LSM12: variants seen among roughly 807,000 people sequenced by gnomAD.
LSM12 encodes protein LSM12.
For missense variants in LSM12, 108 were observed against 238.9 expected (o/e 0.45, Z 3.61); for synonymous variants, 74 against 87.3 (o/e 0.85, Z 0.85).
intron 2 of LSM12, among the ~76,000 whole-genome samples, chr17:44,053,210 A>C (rs2049669506): frequency 6.6e-6 from 1 of 152,204 alleles, no homozygotes; most frequent in Admixed American, 6.5e-5. Context: ...CTGTGGGCCA[A>C]ATTCAGCCAA....
chr17:44,051,305 C>G (rs571285131), intron 2 of LSM12, among the ~76,000 whole-genome samples: 1 of 149,754 alleles, frequency 6.7e-6, no homozygotes, highest in African/African-American at 2.5e-5. Context: ...GCAGGAGAAT[C>G]GCTTGAACCT....
chr17:44,037,181 A>T lies in LSM12; in HGVS notation c.495+231T>A, dbSNP rs544882993. On this transcript the variant is annotated intron_variant, in intron 4 of 4. Coordinates refer to ENST00000293406, the MANE Select transcript of LSM12 (RefSeq NM_001371445.1). The stretch of plus-strand genomic sequence containing the variant: ...ATGGAACAGTCTTCCTAATTCCAAA[A>T]AGCCAGCAAAGGACATAGGGTCACC... 3 of 398,010 alleles carry T rather than the reference A, an allele frequency of 7.5e-6. No individual in the cohort carries two copies. The Admixed American group carries it at 1.4e-4, about 18-fold the overall frequency. 24.7% of individuals were successfully genotyped at this position (398,010 alleles called of 1,614,324 possible). A position where few individuals can be genotyped will look rare whatever the true frequency, so the allele number is the denominator to read the frequency against.
Position 44,034,510 on chromosome 17 carries a change from G to C in LSM12, c.*1698C>G, listed in dbSNP as rs955283643. 3 of 152,290 alleles carry C rather than the reference G, an allele frequency of 2.0e-5. No homozygotes were observed. Among genetic ancestry groups the C allele is most frequent in the African/African-American group, 7.3e-5 (3 of 41,348 alleles). The allele number at this position is 152,290 out of a possible 1,614,324, so 9.4% of individuals were successfully genotyped here. On this transcript the variant is annotated 3_prime_UTR_variant, in exon 5 of 5. Coordinates refer to ENST00000293406, the MANE Select transcript of LSM12 (RefSeq NM_001371445.1). Reference sequence around the variant, plus strand: ...GCATTATATTTCTGGATGAGTCCTCGGGGGTGAAAAGAGAGGGTAAATAGT... The same window carrying C: ...GCATTATATTTCTGGATGAGTCCTCCGGGGTGAAAAGAGAGGGTAAATAGT...
At chr17:44,046,310 CTTTTG>C (rs1456091830) in intron 2 of LSM12, among the ~76,000 whole-genome samples, 1 of 152,050 alleles carries the variant, frequency 6.6e-6, no homozygotes, top group Non-Finnish European at 1.5e-5. Context: ...CATGTTTTTA[CTTTTG>C]TTAGGTAGAT....
chr17:44,036,303 G>A lies in LSM12; in HGVS notation c.496-3C>T, dbSNP rs1044429452. The A allele has an allele frequency of 3.1e-6, 5 of 1,614,050 alleles. No homozygotes were observed. In the African/African-American group the frequency reaches 5.3e-5, roughly 17 times the overall value. ...ACGTCTCTAAAATGTTTTTCAACCTGAAAAAGACCAGGCAACCCAGGTCAA... is the reference window on the plus strand; with the variant it reads ...ACGTCTCTAAAATGTTTTTCAACCTAAAAAAGACCAGGCAACCCAGGTCAA... On this transcript the variant is annotated splice_region_variant and splice_polypyrimidine_tract_variant and intron_variant, in intron 4 of 4. Coordinates refer to ENST00000293406, the MANE Select transcript of LSM12 (RefSeq NM_001371445.1).
intron 2 of LSM12, among the ~76,000 whole-genome samples, chr17:44,055,305 T>C (rs1293894702): frequency 1.3e-5 from 2 of 151,842 alleles, no homozygotes; most frequent in East Asian, 1.9e-4. Context: ...TAGCTAAACA[T>C]AGGCTGGCCA....
chr17:44,047,443 C>T (rs1156971567), intron 2 of LSM12, among the ~76,000 whole-genome samples: 5 of 152,072 alleles, frequency 3.3e-5, no homozygotes, highest in Non-Finnish European at 7.4e-5. Context: ...GACAGGGTTT[C>T]ACCACGTTGG....
At chr17:44,065,464 C>T (rs912195320) in intron 1 of LSM12, among the ~76,000 whole-genome samples, 18 of 148,914 alleles carry the variant, frequency 1.2e-4, no homozygotes, top group African/African-American at 4.2e-4. Context: ...AAAAAAGATG[C>T]CATAAAAAAT....
chr17:44,050,976 A>G (rs573661207), intron 2 of LSM12, among the ~76,000 whole-genome samples: 2 of 152,236 alleles, frequency 1.3e-5, no homozygotes, highest in African/African-American at 4.8e-5. Flanking sequence ...AAAATTTTTT[A>G]ACAAATTAGC....
rs2049412575 is a variant in LSM12 at position 44,036,130 on chromosome 17, C to T, written c.*78G>A. 2 of 1,414,604 alleles carry T rather than the reference C, an allele frequency of 1.4e-6. No individual in the cohort carries two copies. The highest frequency in any genetic ancestry group is 2.0e-6 in the Non-Finnish European group (2 of 1,021,570). The allele number at this position is 1,414,604 out of a possible 1,614,324, so 87.6% of individuals were successfully genotyped here. On this transcript the variant is annotated 3_prime_UTR_variant, in exon 5 of 5. Transcript: ENST00000293406. ...ACAGGACATATAGGATCCCTTCCCT[C>T]CCCCGGCCTGCCTCCGCTGAAGCCA...
At position 44,049,727 on chromosome 17, in the gene LSM12, G is replaced by A. The variant is rs963736305; in HGVS notation, c.259-9471C>T. Among the ~76,000 whole-genome samples the A allele has an allele frequency of 7.9e-5, 12 of 152,168 alleles. 1 individual carries two copies. Among genetic ancestry groups the A allele is most frequent in the Non-Finnish European group, 1.3e-4 (9 of 68,032 alleles). ...CAGCTGGGCCATCTTATTTCCACAT[G>A]CCCAGACCAGGAAGGCACAGGTGCC... On this transcript the variant is annotated intron_variant, in intron 2 of 4. Transcript: ENST00000293406.
intron 2 of LSM12, among the ~76,000 whole-genome samples, chr17:44,040,819 CA>C (rs1180250412): frequency 0.021 from 2,491 of 119,586 alleles, 58 homozygotes; most frequent in Admixed American, 0.084. Flanking sequence ...ACTAAAAATA[CA>C]AAAAAAAAAA....
intron 2 of LSM12, among the ~76,000 whole-genome samples, chr17:44,055,209 A>G (rs1451646196): frequency 6.6e-6 from 1 of 152,018 alleles, no homozygotes; most frequent in Non-Finnish European, 1.5e-5. Context: ...CAGAAAAACT[A>G]TCTGTAGTAA....
intron 1 of LSM12, among the ~76,000 whole-genome samples, chr17:44,064,459 G>C (rs954937188): frequency 1.3e-5 from 2 of 152,168 alleles, no homozygotes; most frequent in African/African-American, 4.8e-5. Context: ...CCAGGCTCAC[G>C]TGATGGCTCA....
intron 1 of LSM12, 77 bp from the exon 2 acceptor site, chr17:44,064,011 C>T (rs2049834816): frequency 1.3e-6 from 2 of 1,512,314 alleles, no homozygotes; most frequent in Admixed American, 1.9e-5. Flanking sequence ...GCATAGAAAA[C>T]ACGATTCACA....
intron 2 of LSM12, among the ~76,000 whole-genome samples, chr17:44,060,129 C>T (rs576298257): frequency 2.6e-5 from 4 of 152,260 alleles, no homozygotes; most frequent in South Asian, 2.1e-4. Context: ...GGCGCCACTG[C>T]ACTCCAGCCT....
chr17:44,062,109 C>G (rs2049803782), intron 2 of LSM12, among the ~76,000 whole-genome samples: 1 of 150,832 alleles, frequency 6.6e-6, no homozygotes, highest in Non-Finnish European at 1.5e-5. Flanking sequence ...GTAGTCCCAG[C>G]TACTAGGAAG....
At chr17:44,058,411 G>A (rs760153122) in intron 2 of LSM12, among the ~76,000 whole-genome samples, 2 of 151,878 alleles carry the variant, frequency 1.3e-5, no homozygotes, top group Non-Finnish European at 2.9e-5. Context: ...ACTTAGAAAC[G>A]TTACCTAGGG....
chr17:44,043,414 A>G (rs2049520705), intron 2 of LSM12, among the ~76,000 whole-genome samples: 1 of 152,238 alleles, frequency 6.6e-6, no homozygotes, highest in African/African-American at 2.4e-5. Context: ...CAGCATTCCA[A>G]GCAGTGGCAA....
Sources: gnomAD v4.1 joint callset for allele counts (sites outside exome capture counted in the v4.1 genomes callset) on GRCh38, gnomAD v4.1.1 for gene constraint, MANE v1.5 for transcripts, NCBI Gene and HGNC (gene_info 2026-07-23, HGNC 2026-07-21) for gene names.